LYN: variants seen among roughly 807,000 people sequenced by gnomAD.
The protein encoded by LYN is tyrosine-protein kinase Lyn.
Under a neutral mutation model 65.0 loss-of-function variants are expected in LYN, and 12 were observed. That is an observed-to-expected ratio of 0.18 (90% CI 0.12 to 0.30). The LOEUF is 0.30. Ranked by LOEUF, LYN falls within the 10% of genes least tolerant of loss-of-function variation. The pLI is 1.00. For missense variants in LYN, 380 were observed against 623.2 expected, an observed-to-expected ratio of 0.61 and a Z score of 4.16; for synonymous variants, 222 against 221.2, an observed-to-expected ratio of 1.00 and a Z score of -0.03.
Position 55,879,851 on chromosome 8 carries a change from C to A in LYN, c.-258C>A. On this transcript the variant is annotated 5_prime_UTR_variant, in exon 1 of 13. Coordinates refer to ENST00000519728, the MANE Select transcript of LYN (RefSeq NM_002350.4). ...GAGACAGCCAGTTCCTCTCCCGCCG[C>A]GCCGGGCCGCGCTGCCGCTCGCTCC... The A allele has an allele frequency of 5.4e-6, 1 of 185,418 alleles. No individual in the cohort carries two copies. 11.5% of individuals were successfully genotyped at this position (185,418 alleles called of 1,614,324 possible).
intron 8 of LYN, among the ~76,000 whole-genome samples, chr8:55,959,375 GC>G (rs1274043025): frequency 2.0e-5 from 3 of 152,142 alleles, no homozygotes; most frequent in Non-Finnish European, 4.4e-5. Flanking sequence ...AATGACAGAG[GC>G]AGTAGAGCCT....
At chr8:55,897,746 T>C (rs879752473) in intron 1 of LYN, among the ~76,000 whole-genome samples, 3 of 151,954 alleles carry the variant, frequency 2.0e-5, no homozygotes, top group Admixed American at 2.0e-4. Flanking sequence ...ACCTCATCTC[T>C]ATAGGAAATT....
Position 55,941,892 on chromosome 8 carries a change from C to T in LYN, c.33C>T (p.Ser11=), listed in dbSNP as rs1187390563. MGCIKSKGKD[S]LSDDGVDLKT... is the part of the protein sequence containing the mutation. ...GTATAAAATCAAAAGGGAAAGACAG[C>T]TTGAGTGACGATGGAGTAGATTTGA... The change falls in exon 2 of 13, where the codon AGC becomes AGT. Residue 11 remains serine (S), a synonymous_variant. Coordinates refer to ENST00000519728, the MANE Select transcript of LYN (RefSeq NM_002350.4). The T allele has an allele frequency of 6.2e-7, 1 of 1,612,566 alleles. No individual in the cohort carries two copies. Among genetic ancestry groups the T allele is most frequent in the Admixed American group, 1.7e-5 (1 of 59,978 alleles).
At position 55,995,360 on chromosome 8, in the gene LYN, TGGGAGAAAGGCAG is replaced by T. The variant is rs1186716109; in HGVS notation, c.1051-2981_1051-2969del. On this transcript the variant is annotated intron_variant, in intron 10 of 12. Coordinates refer to ENST00000519728, the MANE Select transcript of LYN (RefSeq NM_002350.4). ...CCCAGTGCTCAGGGTTTGTGACAGT[TGGGAGAAAGGCAG>T]GGGACACGAAGTCACTGCTCTCCAA... 2.6e-5 allele frequency among the ~76,000 whole-genome samples: 4 copies of T among 152,188 alleles called. No individual in the cohort carries two copies. The East Asian group carries it at 7.7e-4, about 29-fold the overall frequency.
intron 1 of LYN, among the ~76,000 whole-genome samples, chr8:55,906,252 G>C (rs949936833): frequency 6.6e-6 from 1 of 152,184 alleles, no homozygotes; most frequent in Non-Finnish European, 1.5e-5. Flanking sequence ...AAGTGGGCCA[G>C]GCACAGTGGC....
Position 55,953,931 on chromosome 8 carries a change from C to T in LYN, c.737C>T (p.Ser246Phe). 1.2e-6 allele frequency: 2 copies of T among 1,614,098 alleles called. No homozygotes were observed. Among genetic ancestry groups the T allele is most frequent in the Non-Finnish European group, 1.7e-6 (2 of 1,180,020 alleles). The change falls in exon 8 of 13, where the codon TCC becomes TTC. Residue 246 changes from serine to phenylalanine, a missense_variant. Ser to Phe is a radical substitution (Grantham distance 155, BLOSUM62 -2). Coordinates refer to ENST00000519728, the MANE Select transcript of LYN (RefSeq NM_002350.4). ...DKDAWEIPRE[S>F]IKLVKRLGAG... ...GATGCCTGGGAGATCCCCCGGGAGTCCATCAAGTTGGTGAAAAGGCTTGGC... is the reference window on the plus strand; with the variant it reads ...GATGCCTGGGAGATCCCCCGGGAGTTCATCAAGTTGGTGAAAAGGCTTGGC...
At chr8:56,006,936 A>AAGAT (rs574775817) in intron 12 of LYN, among the ~76,000 whole-genome samples, 42 of 152,236 alleles carry the variant, frequency 2.8e-4, no homozygotes, top group Non-Finnish European at 4.7e-4. Flanking sequence ...TGTACATAAA[A>AAGAT]AGATAGGCTT....
intron 12 of LYN, among the ~76,000 whole-genome samples, chr8:56,005,593 C>G (rs530552479): frequency 2.0e-5 from 3 of 152,240 alleles, no homozygotes; most frequent in African/African-American, 7.2e-5. Context: ...TTGGCTCAGA[C>G]CACTTCTTCC....
intron 10 of LYN, among the ~76,000 whole-genome samples, chr8:55,971,648 A>G (rs1486907296): frequency 6.6e-6 from 1 of 152,214 alleles, no homozygotes; most frequent in African/African-American, 2.4e-5. Flanking sequence ...CTGTACCCGG[A>G]GAATGACTTT....
chr8:56,004,845 C>G (rs375466193), intron 12 of LYN, among the ~76,000 whole-genome samples: 1 of 152,034 alleles, frequency 6.6e-6, no homozygotes, highest in East Asian at 1.9e-4. Flanking sequence ...AGTGCAGTAG[C>G]ATGATCATAG....
intron 10 of LYN, among the ~76,000 whole-genome samples, chr8:55,975,345 T>C (rs911019389): frequency 9.9e-5 from 15 of 152,234 alleles, no homozygotes; most frequent in Admixed American, 8.5e-4. Flanking sequence ...AACCTGCTTC[T>C]GCATGGGGAA....
intron 1 of LYN, among the ~76,000 whole-genome samples, chr8:55,912,501 G>T (rs1249204676): frequency 1.3e-5 from 2 of 152,188 alleles, no homozygotes; most frequent in Non-Finnish European, 2.9e-5. Context: ...GAGGCAAGCG[G>T]ATCACCTGAG....
At chr8:55,910,404 A>G (rs138838667) in intron 1 of LYN, among the ~76,000 whole-genome samples, 3 of 152,298 alleles carry the variant, frequency 2.0e-5, no homozygotes, top group African/African-American at 7.2e-5. Flanking sequence ...TGAAAAGGGT[A>G]TCCTTTTCCC....
intron 1 of LYN, among the ~76,000 whole-genome samples, chr8:55,910,956 G>A (rs974205927): frequency 6.9e-6 from 1 of 144,662 alleles, no homozygotes; most frequent in Non-Finnish European, 1.5e-5. Flanking sequence ...GAGTGCAGTG[G>A]TGCAGTCTTG....
At chr8:55,951,645 A>G (rs926555761) in intron 6 of LYN, among the ~76,000 whole-genome samples, 8 of 151,654 alleles carry the variant, frequency 5.3e-5, no homozygotes, top group African/African-American at 1.7e-4. Flanking sequence ...AGCCTGGGTG[A>G]CAGAGCAACA....
intron 10 of LYN, among the ~76,000 whole-genome samples, chr8:55,970,245 C>T (rs914184934): frequency 2.0e-5 from 3 of 152,336 alleles, no homozygotes; most frequent in African/African-American, 4.8e-5. Context: ...CTCCTCTTCT[C>T]GCTCCTTCTT....
intron 1 of LYN, among the ~76,000 whole-genome samples, chr8:55,920,471 G>A (rs1177625614): frequency 6.6e-6 from 1 of 152,184 alleles, no homozygotes; most frequent in Non-Finnish European, 1.5e-5. Flanking sequence ...TTGTTTACTT[G>A]CTCTGAGAGA....
At chr8:55,984,443 C>T (rs1307351221) in intron 10 of LYN, among the ~76,000 whole-genome samples, 1 of 152,230 alleles carries the variant, frequency 6.6e-6, no homozygotes, top group Admixed American at 6.5e-5. Flanking sequence ...CCATCTTCTC[C>T]CTTTTGTTGA....
At chr8:55,967,079 C>T (rs1807480738) in intron 9 of LYN, among the ~76,000 whole-genome samples, 182 bp downstream of exon 9, 1 of 151,668 alleles carries the variant, frequency 6.6e-6, no homozygotes, top group Non-Finnish European at 1.5e-5. Context: ...ATCCATGTCA[C>T]AGAATTGAAA....
Sources: allele counts gnomAD v4.1 joint callset (sites outside exome capture counted in the v4.1 genomes callset), GRCh38; gene constraint gnomAD v4.1.1; transcripts MANE v1.5; gene names NCBI Gene and HGNC (gene_info 2026-07-23, HGNC 2026-07-21).